ADAMTS18: variants seen among roughly 807,000 people sequenced by gnomAD.
ADAMTS18 encodes the protein A disintegrin and metalloproteinase with thrombospondin motifs 18.
In ADAMTS18, 157 loss-of-function variants were observed where a neutral mutation model predicts 165.9. The observed-to-expected ratio is 0.95, with a 90% CI of 0.83 to 1.08. ADAMTS18 has a LOEUF of 1.08. Among genes scored for constraint, ADAMTS18 ranks in the 50% least tolerant of loss-of-function variants. The pLI, the probability that ADAMTS18 is intolerant of heterozygous loss-of-function variation, is 0.00. For missense variants in ADAMTS18, 2,040 were observed against 1,534.0 expected (o/e 1.33, Z -5.51); for synonymous variants, 782 against 578.2 (o/e 1.35, Z -5.06).
intron 3 of ADAMTS18, among the ~76,000 whole-genome samples, chr16:77,382,006 T>C (rs946446536): frequency 1.3e-5 from 2 of 152,088 alleles, no homozygotes; most frequent in Non-Finnish European, 2.9e-5. Flanking sequence ...ATGCTCTTAT[T>C]CTCTCTTTTG....
At chr16:77,349,588 G>T (rs1399407864) in intron 10 of ADAMTS18, among the ~76,000 whole-genome samples, 1 of 132,806 alleles carries the variant, frequency 7.5e-6, no homozygotes, top group Non-Finnish European at 1.6e-5. Context: ...AATAACTATT[G>T]TTCCCTACCC....
rs771423435 is a variant in ADAMTS18 at position 77,283,942 on chromosome 16, G to T, written c.*14C>A. The T allele has an allele frequency of 9.3e-6, 15 of 1,604,538 alleles. No homozygotes were observed. The highest frequency in any genetic ancestry group is 1.3e-5 in the African/African-American group (1 of 74,616). On this transcript the variant is annotated 3_prime_UTR_variant, in exon 23 of 23. Coordinates refer to ENST00000282849, the MANE Select transcript of ADAMTS18 (RefSeq NM_199355.4). Reference sequence around the variant, plus strand: ...TAAGCCCCTGGCCCTAAGGTGCTGGGGAGGACACCAAGATCAGATCTTCCT... The same window carrying T: ...TAAGCCCCTGGCCCTAAGGTGCTGGTGAGGACACCAAGATCAGATCTTCCT...
intron 16 of ADAMTS18, 110 bp downstream of exon 16, chr16:77,319,739 G>A (rs552049404): frequency 5.7e-5 from 90 of 1,567,784 alleles, no homozygotes; most frequent in Admixed American, 1.2e-4. Context: ...CACCATGCCC[G>A]GCCAGGAAAC....
chr16:77,361,383 T>C (rs189486737), intron 7 of ADAMTS18, among the ~76,000 whole-genome samples: 1 of 152,308 alleles, frequency 6.6e-6, no homozygotes, highest in East Asian at 1.9e-4. Flanking sequence ...ATCACTGTCT[T>C]GTACAAATAT....
chr16:77,359,092 T>A (rs1324370683), intron 8 of ADAMTS18, among the ~76,000 whole-genome samples: 1 of 152,210 alleles, frequency 6.6e-6, no homozygotes, highest in East Asian at 1.9e-4. Flanking sequence ...ACCCCATCTG[T>A]GCACACGAAG....
chr16:77,301,968 AG>A (rs2055591843), intron 16 of ADAMTS18, among the ~76,000 whole-genome samples: 1 of 150,122 alleles, frequency 6.7e-6, no homozygotes. Context: ...TCAAAGTCTT[AG>A]GAGTCTTTTA....
chr16:77,415,415 G>A (rs1000597996), intron 3 of ADAMTS18, among the ~76,000 whole-genome samples: 1 of 152,176 alleles, frequency 6.6e-6, no homozygotes, highest in Non-Finnish European at 1.5e-5. Flanking sequence ...AGGCATAGCT[G>A]CATATCACCA....
chr16:77,356,131 G>A, intron 8 of ADAMTS18, 54 bp from the exon 9 acceptor site: 1 of 1,611,208 alleles, frequency 6.2e-7, no homozygotes, highest in Non-Finnish European at 8.5e-7. Flanking sequence ...TTTTTTTGAA[G>A]GATAATCTGA....
rs867755235 is a variant in ADAMTS18 at position 77,325,872 on chromosome 16, CT to C, written c.2025del (p.Val676TrpfsTer26). 1.2e-6 allele frequency: 2 copies of C among 1,613,478 alleles called. No individual in the cohort carries two copies. Among genetic ancestry groups the C allele is most frequent in the African/African-American group, 2.7e-5 (2 of 74,860 alleles). On this transcript the variant is annotated frameshift_variant, in exon 13 of 23. Coordinates refer to ENST00000282849, the MANE Select transcript of ADAMTS18 (RefSeq NM_199355.4). LOFTEE classifies it high-confidence loss of function. The stretch of plus-strand genomic sequence containing the variant: ...GTCATAGAGACCAAATTACCTTCCA[CT>C]TTTGTATAGGGTTTCCACTGGTAGA... ...GWFYQWKPYTKVEEEDRCKLY... is the reference protein window; with the variant it reads ...GWFYQWKPYTXVEEEDRCKLY...
chr16:77,364,776 G>A (rs1261083865), intron 4 of ADAMTS18, among the ~76,000 whole-genome samples: 2 of 150,530 alleles, frequency 1.3e-5, no homozygotes, highest in African/African-American at 4.9e-5. Flanking sequence ...GGAAAGCAAA[G>A]GAAAGCAAAG....
chr16:77,410,865 C>T (rs12933828), intron 3 of ADAMTS18, among the ~76,000 whole-genome samples: 17,280 of 152,142 alleles, frequency 0.11, 1,219 homozygotes, highest in Non-Finnish European at 0.16. Flanking sequence ...GCATTTAGTG[C>T]GACAAATCAT....
intron 3 of ADAMTS18, among the ~76,000 whole-genome samples, chr16:77,397,308 T>C (rs952151913): frequency 2.6e-5 from 4 of 152,194 alleles, no homozygotes; most frequent in Non-Finnish European, 5.9e-5. Flanking sequence ...AGAGTCCTCA[T>C]TTTTCCAAGT....
chr16:77,367,560 G>A lies in ADAMTS18; in HGVS notation c.659C>T (p.Ser220Phe), dbSNP rs199984064. 19 of 1,614,224 alleles carry A rather than the reference G, an allele frequency of 1.2e-5. No homozygotes were observed. In the East Asian group the frequency reaches 1.8e-4, roughly 15 times the overall value. Residue 220 changes from serine to phenylalanine, a missense_variant, in exon 4 of 23, where the codon TCT (serine) becomes TTT (phenylalanine). By Grantham distance (155) the Ser-to-Phe change is radical. Coordinates refer to ENST00000282849, the MANE Select transcript of ADAMTS18 (RefSeq NM_199355.4). Reference sequence around the variant, plus strand: ...GGAGTAACCAGGATAATTCCGGCCAGAGCCGGGGTAGCCACGGTACCGCTG... The same window carrying A: ...GGAGTAACCAGGATAATTCCGGCCAAAGCCGGGGTAGCCACGGTACCGCTG... ...KIQRYRGYPG[S>F]GRNYPGYSPS...
At chr16:77,322,903 G>A (rs1432597901) in intron 13 of ADAMTS18, among the ~76,000 whole-genome samples, 1 of 152,144 alleles carries the variant, frequency 6.6e-6, no homozygotes, top group Non-Finnish European at 1.5e-5. Context: ...CTGATTTAGA[G>A]CATGGATTAC....
chr16:77,368,286 T>C (rs748327689), intron 3 of ADAMTS18, among the ~76,000 whole-genome samples: 1 of 152,138 alleles, frequency 6.6e-6, no homozygotes, highest in Admixed American at 6.6e-5. Context: ...CTGCCAGCCC[T>C]GATGTTTGTG....
intron 16 of ADAMTS18, among the ~76,000 whole-genome samples, chr16:77,318,646 C>T (rs1240383672): frequency 1.3e-5 from 2 of 152,126 alleles, no homozygotes; most frequent in African/African-American, 2.4e-5. Flanking sequence ...GAGAAGAGAA[C>T]AGTAATCTGA....
intron 6 of ADAMTS18, among the ~76,000 whole-genome samples, chr16:77,363,270 A>G (rs2246607): frequency 0.58 from 87,959 of 151,910 alleles, 26,165 homozygotes; most frequent in African/African-American, 0.67. Flanking sequence ...CAATCCAAGG[A>G]CAGTTAAATA....
chr16:77,377,465 C>T (rs551333073), intron 3 of ADAMTS18, among the ~76,000 whole-genome samples: 12 of 152,172 alleles, frequency 7.9e-5, no homozygotes, highest in South Asian at 2.1e-4. Flanking sequence ...ATCTAATGAA[C>T]GAATAATGTT....
intron 3 of ADAMTS18, among the ~76,000 whole-genome samples, chr16:77,429,559 C>A (rs2057713879): frequency 6.6e-6 from 1 of 152,058 alleles, no homozygotes; most frequent in South Asian, 2.1e-4. Flanking sequence ...ACGTGACAAA[C>A]CTTCACTTGT....
Sources: gnomAD v4.1 joint callset for allele counts (sites outside exome capture counted in the v4.1 genomes callset) on GRCh38, gnomAD v4.1.1 for gene constraint, MANE v1.5 for transcripts, NCBI Gene and HGNC (gene_info 2026-07-23, HGNC 2026-07-21) for gene names.